The following GSN variants were observed in gnomAD, a reference collection of about 807,000 sequenced individuals.
GSN encodes the protein actin-depolymerizing factor.
In GSN, 56 loss-of-function variants were observed where a neutral mutation model predicts 85.7. The ratio of observed to expected loss-of-function variants is 0.65; its 90% CI spans 0.53 to 0.82. The LOEUF (loss-of-function observed/expected upper bound fraction) is 0.82, where lower values mean the gene tolerates loss of function less well. Among genes scored for constraint, GSN ranks in the 40% least tolerant of loss-of-function variants. The pLI is 0.00. For synonymous variants in GSN, 373 were observed against 399.1 expected (o/e 0.93, Z 0.78); for missense variants, 857 against 979.8 (o/e 0.87, Z 1.67).
At chr9:121,231,581 A>G (rs779239203) in intron 5 of GSN, among the ~76,000 whole-genome samples, 4 of 152,212 alleles carry the variant, frequency 2.6e-5, no homozygotes, top group Non-Finnish European at 5.9e-5. Flanking sequence ...CAGTAATGTC[A>G]GTGGGTATCA....
chr9:121,320,597 A>G (rs1011772775), intron 10 of GSN, among the ~76,000 whole-genome samples: 64 of 151,798 alleles, frequency 4.2e-4, no homozygotes, highest in African/African-American at 1.5e-3. Context: ...GTGAGCCGAG[A>G]TTGCGTCATT....
At chr9:121,233,589 G>A (rs1350079404) in intron 5 of GSN, among the ~76,000 whole-genome samples, 1 of 152,162 alleles carries the variant, frequency 6.6e-6, no homozygotes, top group Non-Finnish European at 1.5e-5. Context: ...ACCTTCAGAT[G>A]GTTCCAACCC....
rs34433704 is a variant in GSN, at chr9:121,293,409, ATT to A, written c.-9-8542_-9-8541del. On this transcript the variant is annotated intron_variant, in intron 2 of 17. Transcript: ENST00000432226. ...GAAGGAAACCAGCATTTGTCTTTCCATTTTTTTTTTTTTAAACTGTGGAAACA... is the reference window on the plus strand; with the variant it reads ...GAAGGAAACCAGCATTTGTCTTTCCATTTTTTTTTTTAAACTGTGGAAACA... Among the ~76,000 whole-genome samples the A allele has an allele frequency of 9.6e-3, 1,425 of 148,360 alleles. 16 individuals are homozygous for A. Among genetic ancestry groups the A allele is most frequent in the African/African-American group, 0.029 (1,184 of 40,454 alleles).
At chr9:121,224,575 C>T (rs2054237228) in intron 4 of GSN, among the ~76,000 whole-genome samples, 3 of 151,966 alleles carry the variant, frequency 2.0e-5, no homozygotes, top group African/African-American at 7.2e-5. Context: ...CTAGGATTCT[C>T]TCCAGGGTTT....
intron 6 of GSN, among the ~76,000 whole-genome samples, chr9:121,250,869 T>TGG (rs1450562861): frequency 1.7e-4 from 20 of 118,948 alleles, no homozygotes; most frequent in African/African-American, 4.7e-4. Context: ...CATGCCTGCT[T>TGG]GGGGTGTGTG....
In GSN at chr9:121,329,013, G is replaced by A; in HGVS notation, c.1885G>A (p.Val629Met). Residue 629 changes from valine to methionine, a missense_variant and splice_region_variant, in exon 15 of 18, where the codon GTG becomes ATG. Coordinates refer to ENST00000432226, the MANE Select transcript of GSN (RefSeq NM_198252.3). The surrounding 1 kb of genome is among the most constrained non-coding windows in gnomAD (Gnocchi z 4.6). ...FACSNKIGRF[V>M]IEEVPGELMQ... ...CTGCTCCAACAAGATTGGACGTTTT[G>A]TGGTGAGCCCCTGCGGAGGTCACAC... 13 of 1,613,718 alleles carry A rather than the reference G, an allele frequency of 8.1e-6. No homozygotes were observed. Among genetic ancestry groups the A allele is most frequent in the Non-Finnish European group, 1.1e-5 (13 of 1,180,022 alleles).
intron 6 of GSN, among the ~76,000 whole-genome samples, chr9:121,256,499 G>T (rs1361492912): frequency 2.0e-5 from 3 of 152,142 alleles, no homozygotes; most frequent in Non-Finnish European, 4.4e-5. Context: ...GATGTAGAAA[G>T]TAGAATTGTG....
chr9:121,224,556 G>T (rs754652083), intron 4 of GSN, among the ~76,000 whole-genome samples: 7 of 151,986 alleles, frequency 4.6e-5, no homozygotes, highest in Non-Finnish European at 1.0e-4. Flanking sequence ...CTGCAGGTTA[G>T]GGGCAGAACT....
At chr9:121,307,844 TCTTTCTGCGCTTCCCCTGC>T (rs796128845) in intron 4 of GSN, among the ~76,000 whole-genome samples, 81 of 152,294 alleles carry the variant, frequency 5.3e-4, no homozygotes, top group African/African-American at 1.6e-3. Context: ...AACCCTCCTG[TCTTTCTGCGCTTCCCCTGC>T]CTTTCTGCGC....
chr9:121,241,207 A>G (rs1450534152), intron 5 of GSN, among the ~76,000 whole-genome samples: 6 of 152,244 alleles, frequency 3.9e-5, no homozygotes, highest in Non-Finnish European at 5.9e-5. Context: ...AAGAGAAAAC[A>G]TCAGATTCTC....
intron 6 of GSN, among the ~76,000 whole-genome samples, chr9:121,259,678 A>C (rs1002650057): frequency 8.6e-5 from 13 of 151,892 alleles, no homozygotes; most frequent in African/African-American, 3.1e-4. Context: ...AAAGAAGCTC[A>C]GAGCTTGTCT....
In GSN at chr9:121,327,242, G is replaced by T. The variant is rs2063320604; in HGVS notation, c.1588-66G>T. 2.3e-6 allele frequency: 3 copies of T among 1,307,162 alleles called. No homozygotes were observed. In the Admixed American group the frequency reaches 5.0e-5, roughly 22 times the overall value. 81.0% of individuals were successfully genotyped at this position (1,307,162 alleles called of 1,614,324 possible). ...AGCTAGTCCTGCTGCGGGGTCTCCTGGGCTGTGAGGAGGGGGCTGAGGGCT... is the reference window on the plus strand; with the variant it reads ...AGCTAGTCCTGCTGCGGGGTCTCCTTGGCTGTGAGGAGGGGGCTGAGGGCT... On this transcript the variant is annotated intron_variant, in intron 13 of 17. Transcript: ENST00000432226.
intron 2 of GSN, among the ~76,000 whole-genome samples, chr9:121,296,189 G>T (rs146708490): frequency 3.3e-5 from 5 of 152,368 alleles, no homozygotes; most frequent in Non-Finnish European, 7.3e-5. Flanking sequence ...CAGGTCAGGT[G>T]GTGCTAGGAG....
chr9:121,313,877 G>C (rs1465708738), intron 6 of GSN, 57 bp from the exon 7 acceptor site: 2 of 1,351,592 alleles, frequency 1.5e-6, no homozygotes, highest in African/African-American at 2.9e-5. Context: ...AGCTATCTCA[G>C]GAGCCTGGCC....
intron 4 of GSN, among the ~76,000 whole-genome samples, chr9:121,230,006 A>T (rs2054356040): frequency 2.6e-5 from 4 of 152,068 alleles, no homozygotes; most frequent in Admixed American, 2.6e-4. Context: ...ATCCTTTTTG[A>T]TTCAATGTGT....
chr9:121,245,410 G>A (rs2054680038), intron 5 of GSN, among the ~76,000 whole-genome samples: 1 of 152,118 alleles, frequency 6.6e-6, no homozygotes, highest in Non-Finnish European at 1.5e-5. Flanking sequence ...ATGCAGGAGT[G>A]CAGTGGCATG....
In GSN at chr9:121,318,712, C is replaced by A; in HGVS notation, c.1023C>A (p.Phe341Leu). 1.2e-6 allele frequency: 2 copies of A among 1,614,074 alleles called. No homozygotes were observed. The highest frequency in any genetic ancestry group is 1.7e-6 in the Non-Finnish European group (2 of 1,179,904). Residue 341 changes from phenylalanine (F) to leucine (L), a missense_variant, in exon 10 of 18, where the codon TTC (phenylalanine) becomes TTA (leucine). Transcript: ENST00000432226. This position sits in a 1 kb window ranked among gnomAD's most constrained non-coding sequence, Gnocchi z 4.3. ...GTGAGACCCCACTGTTCAAGCAGTT[C>A]TTCAAGAACTGGCGGGACCCAGACC... ...EGGETPLFKQ[F>L]FKNWRDPDQT...
chr9:121,295,717 G>A (rs1021050957), intron 2 of GSN, among the ~76,000 whole-genome samples: 7 of 152,300 alleles, frequency 4.6e-5, no homozygotes, highest in African/African-American at 1.4e-4. Flanking sequence ...CCCCCAGGGG[G>A]ACATGGGCTG....
In GSN at chr9:121,300,161, C is replaced by G. The variant is rs754309781; in HGVS notation, c.-9-1802C>G. Reference sequence around the variant, plus strand: ...TCTTGCTGCTTCCGGGGCTCTGGCTCGCAGACGAGGGTGGGAGCCTCGGGG... The same window carrying G: ...TCTTGCTGCTTCCGGGGCTCTGGCTGGCAGACGAGGGTGGGAGCCTCGGGG... On this transcript the variant is annotated intron_variant, in intron 2 of 17. Coordinates refer to ENST00000432226, the MANE Select transcript of GSN (RefSeq NM_198252.3). 10 of 1,499,516 alleles carry G rather than the reference C, an allele frequency of 6.7e-6. No individual in the cohort carries two copies. The East Asian group carries it at 1.8e-4, about 27-fold the overall frequency. 92.9% of individuals were successfully genotyped at this position (1,499,516 alleles called of 1,614,324 possible). A position where few individuals can be genotyped will look rare whatever the true frequency, so the allele number is the denominator to read the frequency against.
Sources: gnomAD v4.1 joint callset for allele counts (sites outside exome capture counted in the v4.1 genomes callset) on GRCh38, gnomAD v4.1.1 for gene constraint, Gnocchi (gnomAD v3.1) non-coding constraint, MANE v1.5 for transcripts, NCBI Gene and HGNC (gene_info 2026-07-23, HGNC 2026-07-21) for gene names.